Variants in TEAD2 observed in about 807,000 individuals in gnomAD.
TEAD2 encodes transcriptional enhancer factor TEF-4.
A neutral mutation model predicts 61.4 loss-of-function variants in TEAD2; 51 were observed. The ratio of observed to expected loss-of-function variants is 0.83; its 90% CI spans 0.66 to 1.05. TEAD2 has a LOEUF of 1.05. Ranked by LOEUF, TEAD2 falls within the 50% of genes least tolerant of loss-of-function variation. TEAD2 has a pLI of 0.00. For synonymous variants in TEAD2, 244 were observed against 243.2 expected (o/e 1.00, Z -0.03); for missense variants, 509 against 600.0 (o/e 0.85, Z 1.58).
At chr19:49,356,910 C>T (rs1320061979) in intron 4 of TEAD2, among the ~76,000 whole-genome samples, 2 of 151,988 alleles carry the variant, frequency 1.3e-5, no homozygotes, top group Admixed American at 6.6e-5. Context: ...CCACAGAGGT[C>T]CCTCACCTGA....
Position 49,359,532 on chromosome 19 carries a change from GACTTTCAACAGA to G in TEAD2, c.233-45_233-34del, listed in dbSNP as rs1568581601. On this transcript the variant is annotated intron_variant, in intron 2 of 12. Transcript: ENST00000593945. The surrounding 1 kb of genome is among the most constrained non-coding windows in gnomAD (Gnocchi z 4.1). The stretch of plus-strand genomic sequence containing the variant: ...TTCAAAGACGGAACAGAGTTAGTTA[GACTTTCAACAGA>G]ACTTCCCCACAGCATGGACACCAGG... 1 of 1,611,588 alleles carries G rather than the reference GACTTTCAACAGA, an allele frequency of 6.2e-7. No individual in the cohort carries two copies.
At chr19:49,342,111 GA>G (rs1971315437) in intron 12 of TEAD2, among the ~76,000 whole-genome samples, 1 of 152,088 alleles carries the variant, frequency 6.6e-6, no homozygotes, top group African/African-American at 2.4e-5. Context: ...AGAATCACTT[GA>G]ACCCGGGAGG....
At position 49,351,363 on chromosome 19, in the gene TEAD2, A is replaced by C; in HGVS notation, c.542T>G (p.Val181Gly). ...GSGPPWNVPD[V>G]KPFSQTPFTL... is the part of the protein sequence containing the mutation. ...GAACGGTGTCTGTGAGAATGGCTTC[A>C]CACTGAGGGAAAAAGGAAGCCAGGG... The change falls in exon 8 of 13, where the codon GTG becomes GGG. Residue 181 changes from valine to glycine, a missense_variant and splice_region_variant. Transcript: ENST00000593945. 1 of 1,610,290 alleles carries C rather than the reference A, an allele frequency of 6.2e-7. No homozygotes were observed. The highest frequency in any genetic ancestry group is 1.3e-5 in the African/African-American group (1 of 74,926).
Position 49,341,482 on chromosome 19 carries a change from G to T in TEAD2, c.1243-45C>A. On this transcript the variant is annotated intron_variant, in intron 12 of 12. Transcript: ENST00000593945. The surrounding 1 kb of genome is among the most constrained non-coding windows in gnomAD (Gnocchi z 4.2). ...AAGGGACTTATGCTTAGAAGGGAGG[G>T]CAGGGACCCCTGTGCCCCCCTGCCA... 1 of 1,534,484 alleles carries T rather than the reference G, an allele frequency of 6.5e-7. No homozygotes were observed. The highest frequency in any genetic ancestry group is 9.0e-7 in the Non-Finnish European group (1 of 1,110,108).
At position 49,343,348 on chromosome 19, in the gene TEAD2, G is replaced by T; in HGVS notation, c.972C>A (p.Ser324Arg). 4.3e-6 allele frequency: 7 copies of T among 1,613,502 alleles called. No homozygotes were observed. The highest frequency in any genetic ancestry group is 5.9e-6 in the Non-Finnish European group (7 of 1,179,876). The change falls in exon 11 of 13, where the codon AGC becomes AGA. Residue 324 changes from serine (S) to arginine (R), a missense_variant. Transcript: ENST00000593945. ...CTCCGTAGAAGCCACCACTGCTGAT[G>T]CTGCCACCGGCCCCTGCCTCCTCAC... is the stretch of plus-strand genomic sequence containing the variant. ...PSGEEAGAGG[S>R]ISSGGFYGVS...
In TEAD2 at chr19:49,341,148, TCCAA is replaced by T. The variant is rs1345355463; in HGVS notation, c.*172_*175del. 10 of 601,410 alleles carry T rather than the reference TCCAA, an allele frequency of 1.7e-5. No homozygotes were observed. The highest frequency in any genetic ancestry group is 4.5e-4 in the Middle Eastern group (1 of 2,244). 37.3% of individuals were successfully genotyped at this position (601,410 alleles called of 1,614,324 possible). A position where few individuals can be genotyped will look rare whatever the true frequency, so the allele number is the denominator to read the frequency against. ...TCCTCAGTCCCAGCCTGTTCAGCTC[TCCAA>T]CCAAGTTTTGGGGGCCCCTCTAATG... On this transcript the variant is annotated 3_prime_UTR_variant, in exon 13 of 13. Transcript: ENST00000593945. This position sits in a 1 kb window ranked among gnomAD's most constrained non-coding sequence, Gnocchi z 4.2.
chr19:49,358,696 G>A (rs1972578368), intron 3 of TEAD2, among the ~76,000 whole-genome samples: 1 of 149,668 alleles, frequency 6.7e-6, no homozygotes, highest in Non-Finnish European at 1.5e-5. Context: ...GCAGTAGCAC[G>A]ATCTTGGCTC....
At chr19:49,358,004 G>A (rs984760486) in intron 3 of TEAD2, among the ~76,000 whole-genome samples, 4 of 152,130 alleles carry the variant, frequency 2.6e-5, no homozygotes, top group South Asian at 2.1e-4. Flanking sequence ...AGGCCGAGGC[G>A]GGTGGATCAC....
At chr19:49,360,872 T>G (rs892908476) in intron 1 of TEAD2, among the ~76,000 whole-genome samples, 252 of 38,714 alleles carry the variant, frequency 6.5e-3, no homozygotes, top group South Asian at 7.1e-3. Context: ...ACCAGTGAGG[T>G]GGGGATAGAG....
Position 49,359,526 on chromosome 19 carries a change from T to G in TEAD2, c.233-27A>C, listed in dbSNP as rs770431089. 6.2e-7 allele frequency: 1 copy of G among 1,612,854 alleles called. No individual in the cohort carries two copies. The highest frequency in any genetic ancestry group is 8.5e-7 in the Non-Finnish European group (1 of 1,179,028). On this transcript the variant is annotated intron_variant, in intron 2 of 12. Coordinates refer to ENST00000593945, the MANE Select transcript of TEAD2 (RefSeq NM_001256660.2). The surrounding 1 kb of genome is among the most constrained non-coding windows in gnomAD (Gnocchi z 4.1). ...TGAAGATTCAAAGACGGAACAGAGTTAGTTAGACTTTCAACAGAACTTCCC... is the reference window on the plus strand; with the variant it reads ...TGAAGATTCAAAGACGGAACAGAGTGAGTTAGACTTTCAACAGAACTTCCC...
At chr19:49,356,257 G>T in intron 4 of TEAD2, 1 of 329,064 alleles carries the variant, frequency 3.0e-6, no homozygotes, top group Non-Finnish European at 5.5e-6. Flanking sequence ...AGAGCCAGCG[G>T]GAAGACAAGG....
At chr19:49,342,316 C>G (rs1272772512) in intron 12 of TEAD2, 122 bp downstream of exon 12, 1 of 1,313,986 alleles carries the variant, frequency 7.6e-7, no homozygotes, top group African/African-American at 1.5e-5. Flanking sequence ...AGGCTGAGGG[C>G]TCACTTTGGA....
chr19:49,355,962 G>A lies in TEAD2; in HGVS notation c.369C>T (p.Asn123=), dbSNP rs1032327345. Residue 123 remains asparagine (N), a synonymous_variant, in exon 5 of 13, where the codon AAC becomes AAT. Coordinates refer to ENST00000593945, the MANE Select transcript of TEAD2 (RefSeq NM_001256660.2). ...REIQSKLKAL[N]VDQVSKDKAF... Reference sequence around the variant, plus strand: ...GAGGATGGGCAGAGGAACTTACCACGTTCAGAGCCTGCCCGTGGGGGTGGG... The same window carrying A: ...GAGGATGGGCAGAGGAACTTACCACATTCAGAGCCTGCCCGTGGGGGTGGG... 5 of 1,259,186 alleles carry A rather than the reference G, an allele frequency of 4.0e-6. No individual in the cohort carries two copies. Among genetic ancestry groups the A allele is most frequent in the East Asian group, 3.1e-5 (1 of 32,112 alleles). 78.0% of individuals were successfully genotyped at this position (1,259,186 alleles called of 1,614,324 possible).
Position 49,355,174 on chromosome 19 carries a change from T to C in TEAD2, c.513A>G (p.Gly171=), listed in dbSNP as rs770660375. The C allele has an allele frequency of 3.1e-6, 5 of 1,611,490 alleles. No individual in the cohort carries two copies. The highest frequency in any genetic ancestry group is 4.2e-6 in the Non-Finnish European group (5 of 1,178,796). Residue 171 remains glycine, a synonymous_variant, in exon 7 of 13, where the codon GGA becomes GGG. Transcript: ENST00000593945. ...CTGGAACATTCCAGGGGGGCCCAGATCCTCCAGACCAAAACTGGAAAAGCT... is the reference window on the plus strand; with the variant it reads ...CTGGAACATTCCAGGGGGGCCCAGACCCTCCAGACCAAAACTGGAAAAGCT... ...ASELFQFWSG[G]SGPPWNVPDV...
chr19:49,355,637 G>A (rs779939405), intron 5 of TEAD2, among the ~76,000 whole-genome samples: 48 of 152,088 alleles, frequency 3.2e-4, no homozygotes, highest in Non-Finnish European at 2.6e-4. Context: ...TATCAGCCTG[G>A]CCAATATGGT....
chr19:49,360,538 G>A (rs1221439029), intron 1 of TEAD2: 7 of 164,558 alleles, frequency 4.3e-5, no homozygotes, highest in South Asian at 1.9e-4. Flanking sequence ...GAGTAATGCC[G>A]AGGGCCATGA....
chr19:49,355,309 C>G lies in TEAD2; in HGVS notation c.480+3G>C. ...ACGTCCCACAATCCCCAACCTGGAC[C>G]ACCTGAGGACCAGTGGGACCCAGTT... On this transcript the variant is annotated splice_donor_region_variant and intron_variant, in intron 6 of 12. Transcript: ENST00000593945. The G allele has an allele frequency of 6.2e-7, 1 of 1,614,172 alleles. No individual in the cohort carries two copies.
intron 8 of TEAD2, 100 bp from the exon 9 acceptor site, chr19:49,348,945 C>T: frequency 9.3e-6 from 13 of 1,397,760 alleles, no homozygotes; most frequent in Non-Finnish European, 1.2e-5. Context: ...GCTGAAAAAG[C>T]TAAATACTCA....
In TEAD2 at chr19:49,346,599, G is replaced by C. The variant is rs574972433; in HGVS notation, c.921+591C>G. On this transcript the variant is annotated intron_variant, in intron 10 of 12. Transcript: ENST00000593945. ...TTGAATCCAGGAGGCGGAGGTTGCC[G>C]TGAGCCAAGATACAGCCACTGCACT... 9.8e-5 allele frequency among the ~76,000 whole-genome samples: 15 copies of C among 152,292 alleles called. No individual in the cohort carries two copies. In the East Asian group the frequency reaches 2.9e-3, roughly 29 times the overall value.
Sources: allele counts gnomAD v4.1 joint callset (sites outside exome capture counted in the v4.1 genomes callset), GRCh38; gene constraint gnomAD v4.1.1; non-coding constraint Gnocchi (gnomAD v3.1); transcripts MANE v1.5; gene names NCBI Gene and HGNC (gene_info 2026-07-23, HGNC 2026-07-21).